Variants in TBC1D22A observed in about 807,000 individuals in gnomAD.
TBC1D22A encodes the protein TBC1 domain family member 22A, also known as putative GTPase activator.
A neutral mutation model predicts 60.2 loss-of-function variants in TBC1D22A; 38 were observed. The ratio of observed to expected loss-of-function variants is 0.63; its 90% CI spans 0.49 to 0.83. TBC1D22A has a LOEUF of 0.83. Among genes scored for constraint, TBC1D22A ranks in the 40% least tolerant of loss-of-function variants. The pLI is 0.00. For synonymous variants in TBC1D22A, 302 were observed against 281.7 expected (o/e 1.07, Z -0.72); for missense variants, 628 against 701.0 (o/e 0.90, Z 1.18).
intron 12 of TBC1D22A, among the ~76,000 whole-genome samples, chr22:47,125,760 CT>C (rs1176698758): frequency 2.0e-5 from 3 of 152,202 alleles, no homozygotes; most frequent in African/African-American, 7.2e-5. Flanking sequence ...TTTGATGTCC[CT>C]TGCCAAGGGC....
intron 8 of TBC1D22A, among the ~76,000 whole-genome samples, chr22:46,952,526 G>C (rs776198791): frequency 6.6e-5 from 10 of 152,088 alleles, no homozygotes; most frequent in Non-Finnish European, 2.9e-5. Context: ...ATCAGTTTTG[G>C]GTGTGGGTGT....
At chr22:46,839,779 C>T (rs975317176) in intron 4 of TBC1D22A, among the ~76,000 whole-genome samples, 3 of 152,146 alleles carry the variant, frequency 2.0e-5, no homozygotes, top group Non-Finnish European at 4.4e-5. Flanking sequence ...GTAGAGAGCT[C>T]AGAAATAAAT....
intron 5 of TBC1D22A, among the ~76,000 whole-genome samples, chr22:46,885,688 C>A (rs145587908): frequency 6.6e-6 from 1 of 152,050 alleles, no homozygotes; most frequent in East Asian, 1.9e-4. Context: ...GTCACTGCCC[C>A]CCCTTGTAAT....
At chr22:47,095,848 GTC>G (rs1286104797) in intron 11 of TBC1D22A, among the ~76,000 whole-genome samples, 1 of 152,252 alleles carries the variant, frequency 6.6e-6, no homozygotes, top group Admixed American at 6.5e-5. Context: ...AGCGGGTTGA[GTC>G]TGAGTGACAG....
intron 8 of TBC1D22A, among the ~76,000 whole-genome samples, chr22:46,928,534 CA>C (rs1167833378): frequency 6.6e-6 from 1 of 152,034 alleles, no homozygotes; most frequent in African/African-American, 2.4e-5. Flanking sequence ...GATATGACAC[CA>C]AAAGCAAAAG....
chr22:47,093,305 C>T (rs2147628878), intron 11 of TBC1D22A, among the ~76,000 whole-genome samples: 1 of 152,260 alleles, frequency 6.6e-6, no homozygotes, highest in African/African-American at 2.4e-5. Flanking sequence ...CTGCTGGTGA[C>T]CTTGGATCTC....
intron 4 of TBC1D22A, among the ~76,000 whole-genome samples, chr22:46,846,969 T>C (rs1476579147): frequency 2.0e-5 from 3 of 152,168 alleles, no homozygotes; most frequent in African/African-American, 7.2e-5. Flanking sequence ...GTCGAGAGAC[T>C]GTTTAGGCGG....
chr22:47,069,521 G>A (rs2063886344), intron 11 of TBC1D22A, among the ~76,000 whole-genome samples: 1 of 152,210 alleles, frequency 6.6e-6, no homozygotes. Context: ...TGGTGCAAGT[G>A]CATCTGAATT....
chr22:46,849,897 TGTTA>T (rs2087192525), intron 4 of TBC1D22A, among the ~76,000 whole-genome samples: 1 of 152,196 alleles, frequency 6.6e-6, no homozygotes, highest in African/African-American at 2.4e-5. Flanking sequence ...CTTTAGTTCT[TGTTA>T]GTTATGTATT....
chr22:46,804,088 T>C (rs904945999), intron 4 of TBC1D22A, among the ~76,000 whole-genome samples: 3 of 152,246 alleles, frequency 2.0e-5, no homozygotes, highest in Admixed American at 6.5e-5. Context: ...AGCAATGCGA[T>C]GGCACCTCCT....
At chr22:46,808,248 C>A (rs1468823477) in intron 4 of TBC1D22A, among the ~76,000 whole-genome samples, 1 of 151,782 alleles carries the variant, frequency 6.6e-6, no homozygotes, top group Non-Finnish European at 1.5e-5. Context: ...ATCCCAGCTA[C>A]TTAGGAAGCT....
intron 10 of TBC1D22A, among the ~76,000 whole-genome samples, chr22:47,019,842 C>T (rs1008042565): frequency 6.6e-6 from 1 of 150,974 alleles, no homozygotes; most frequent in African/African-American, 2.5e-5. Context: ...TCCATCCTCT[C>T]CTCTCTCTTA....
At chr22:46,839,666 G>A (rs530350397) in intron 4 of TBC1D22A, among the ~76,000 whole-genome samples, 49 of 152,154 alleles carry the variant, frequency 3.2e-4, no homozygotes, top group African/African-American at 5.5e-4. Context: ...GAATGAAGCC[G>A]GAGCCACCCC....
chr22:46,849,436 G>A (rs1327007430), intron 4 of TBC1D22A, among the ~76,000 whole-genome samples: 3 of 152,152 alleles, frequency 2.0e-5, no homozygotes, highest in South Asian at 2.1e-4. Context: ...CAGCTTCCAC[G>A]CACTGTGGTC....
chr22:47,088,827 C>G (rs970255390), intron 11 of TBC1D22A, among the ~76,000 whole-genome samples: 1 of 152,230 alleles, frequency 6.6e-6, no homozygotes, highest in East Asian at 1.9e-4. Flanking sequence ...AGACCCCAGA[C>G]ATTTCACACC....
intron 7 of TBC1D22A, among the ~76,000 whole-genome samples, chr22:46,907,958 C>T (rs562760191): frequency 1.2e-4 from 18 of 152,262 alleles, no homozygotes; most frequent in Middle Eastern, 6.8e-3. Flanking sequence ...CTGAGACAGC[C>T]GCAGAGTGGC....
At chr22:46,974,811 G>A (rs775032873) in intron 9 of TBC1D22A, among the ~76,000 whole-genome samples, 38 of 152,208 alleles carry the variant, frequency 2.5e-4, no homozygotes, top group Non-Finnish European at 3.8e-4. Flanking sequence ...GTGAGCCCTC[G>A]CCTGCAGTAT....
intron 9 of TBC1D22A, among the ~76,000 whole-genome samples, chr22:46,995,271 C>T (rs6009090): frequency 0.01 from 1,582 of 152,268 alleles, 29 homozygotes; most frequent in African/African-American, 0.035. Flanking sequence ...AGGTGGCAAA[C>T]GGAGTTTTCG....
chr22:47,037,075 A>T lies in TBC1D22A; in HGVS notation c.1206A>T (p.Gln402His), dbSNP rs755258982. ...LEELVSRIDE[Q>H]VHRHLDQHEV... ...GCCTGTGTTTGTTTTGTGCAGAGCA[A>T]GTGCACCGGCACCTGGACCAACACG... Residue 402 changes from glutamine (Q) to histidine (H), a missense_variant, in exon 11 of 13, where the codon CAA becomes CAT. Transcript: ENST00000337137. The T allele has an allele frequency of 8.7e-6, 14 of 1,613,436 alleles. No individual in the cohort carries two copies. Among genetic ancestry groups the T allele is most frequent in the Non-Finnish European group, 1.2e-5 (14 of 1,179,664 alleles).
Sources: allele counts gnomAD v4.1 joint callset (sites outside exome capture counted in the v4.1 genomes callset), GRCh38; gene constraint gnomAD v4.1.1; transcripts MANE v1.5; gene names NCBI Gene and HGNC (gene_info 2026-07-23, HGNC 2026-07-21).